The following CCDC30 variants were observed in gnomAD, a reference collection of about 807,000 sequenced individuals.
CCDC30 encodes the protein coiled-coil domain containing 30.
A neutral mutation model predicts 100.2 loss-of-function variants in CCDC30; 70 were observed. The ratio of observed to expected loss-of-function variants is 0.70; its 90% CI spans 0.58 to 0.85. The LOEUF is 0.85. Among genes scored for constraint, CCDC30 ranks in the 40% least tolerant of loss-of-function variants. CCDC30 has a pLI of 0.00. For missense variants in CCDC30, 652 were observed against 771.2 expected (o/e 0.85, Z 1.83); for synonymous variants, 233 against 269.5 (o/e 0.86, Z 1.33).
intron 11 of CCDC30, among the ~76,000 whole-genome samples, chr1:42,616,513 C>T (rs1646730004): frequency 1.3e-5 from 2 of 152,192 alleles, no homozygotes; most frequent in African/African-American, 4.8e-5. Context: ...TCCTGACTTT[C>T]ACAGGCAATG....
chr1:42,464,603 G>A (rs190733570), intron 1 of CCDC30, among the ~76,000 whole-genome samples: 2 of 152,190 alleles, frequency 1.3e-5, no homozygotes, highest in Admixed American at 6.5e-5. Context: ...AGACACAATT[G>A]TTCTAAAAAG....
chr1:42,600,222 A>G (rs1646376000), intron 10 of CCDC30, among the ~76,000 whole-genome samples: 1 of 152,162 alleles, frequency 6.6e-6, no homozygotes, highest in African/African-American at 2.4e-5. Context: ...TAATGATTAA[A>G]AAGGTCAATT....
At chr1:42,654,713 T>C (rs72661324), downstream of CCDC30, 15,350 of 134,990 alleles carry the variant, frequency 0.11, 894 homozygotes, top group East Asian at 0.2. Context: ...TACCATAAGC[T>C]TTTTTTTTTT....
At chr1:42,522,151 A>C (rs572070907) in intron 6 of CCDC30, among the ~76,000 whole-genome samples, 43 of 152,276 alleles carry the variant, frequency 2.8e-4, no homozygotes, top group African/African-American at 9.9e-4. Context: ...AATAGTTGTT[A>C]TGCTGTATCA....
chr1:42,526,083 T>C lies in CCDC30; in HGVS notation c.456+27167T>C, dbSNP rs139496040. ...TGCCATTTCATCTTTCTGAACTCCT[T>C]TCTCTGTCTCCTCAATTCCACAAGA... is the stretch of plus-strand genomic sequence containing the variant. On this transcript the variant is annotated intron_variant, in intron 6 of 16. Transcript: ENST00000668663. Among the ~76,000 whole-genome samples, 787 of 152,284 alleles carry C rather than the reference T, an allele frequency of 5.2e-3. 7 individuals are homozygous for C. Among genetic ancestry groups the C allele is most frequent in the African/African-American group, 0.018 (760 of 41,554 alleles).
At chr1:42,591,662 C>T (rs768335118) in intron 10 of CCDC30, 1 of 152,320 alleles carries the variant, frequency 6.6e-6, no homozygotes, top group Non-Finnish European at 1.5e-5. Flanking sequence ...GGTTGGAAGC[C>T]TCACACAGAG....
intron 6 of CCDC30, among the ~76,000 whole-genome samples, chr1:42,523,866 C>A (rs950281439): frequency 1.3e-5 from 2 of 152,096 alleles, no homozygotes; most frequent in Non-Finnish European, 2.9e-5. Flanking sequence ...TCAAATTTGC[C>A]TTTGAATCCC....
chr1:42,504,973 A>T (rs1382116590), intron 6 of CCDC30, among the ~76,000 whole-genome samples: 1 of 152,230 alleles, frequency 6.6e-6, no homozygotes, highest in African/African-American at 2.4e-5. Flanking sequence ...TCTTGTCAGT[A>T]GCTATTATTC....
chr1:42,482,963 C>T, intron 3 of CCDC30, 147 bp downstream of exon 3: 1 of 553,330 alleles, frequency 1.8e-6, no homozygotes, highest in African/African-American at 1.9e-5. Flanking sequence ...TCATTTTCTA[C>T]CATGCTAGGA....
At chr1:42,485,022 G>T (rs911474314) in intron 3 of CCDC30, among the ~76,000 whole-genome samples, 3 of 152,042 alleles carry the variant, frequency 2.0e-5, no homozygotes, top group African/African-American at 7.2e-5. Flanking sequence ...ATGAGTTAAA[G>T]AATTATTGTT....
rs549691509 is a variant in CCDC30, at chr1:42,647,040, C to T, written c.1854+723C>T. Among the ~76,000 whole-genome samples the T allele has an allele frequency of 2.3e-3, 350 of 152,214 alleles. 2 individuals carry two copies. The highest frequency in any genetic ancestry group is 8.2e-3 in the African/African-American group (340 of 41,522). ...ACTTGAACCTGGGAGGCAGAGGTTG[C>T]AGTGAGCCAAGACTGAGCCACTGCA... On this transcript the variant is annotated intron_variant, in intron 15 of 16. Transcript: ENST00000668663.
chr1:42,579,832 C>T (rs1645924896), intron 8 of CCDC30, among the ~76,000 whole-genome samples: 1 of 149,882 alleles, frequency 6.7e-6, no homozygotes, highest in Non-Finnish European at 1.5e-5. Flanking sequence ...CCTATCTCTA[C>T]AAAAATAAAA....
At chr1:42,581,307 A>G (rs1490506716) in intron 8 of CCDC30, 53 bp from the exon 13 acceptor site, 15 of 1,447,666 alleles carry the variant, frequency 1.0e-5, no homozygotes, top group Non-Finnish European at 1.4e-5. Flanking sequence ...CCTAATTTGA[A>G]AAAAGGTCAC....
intron 15 of CCDC30, among the ~76,000 whole-genome samples, chr1:42,652,448 T>G (rs1486835206): frequency 6.6e-6 from 1 of 152,148 alleles, no homozygotes; most frequent in Non-Finnish European, 1.5e-5. Context: ...TAGCATCACT[T>G]TGTACACCGT....
intron 8 of CCDC30, among the ~76,000 whole-genome samples, chr1:42,580,333 G>A (rs1044528041): frequency 7.2e-5 from 11 of 152,298 alleles, no homozygotes; most frequent in African/African-American, 2.4e-4. Context: ...CAGAGACCTA[G>A]GTGCAGGGGC....
At chr1:42,458,439 C>T (rs1353915316), upstream of CCDC30, among the ~76,000 whole-genome samples, 1 of 152,052 alleles carries the variant, frequency 6.6e-6, no homozygotes, top group Non-Finnish European at 1.5e-5. Flanking sequence ...GGGGCATTTG[C>T]CGACTTTGTA....
At chr1:42,614,690 G>A (rs921203362) in intron 11 of CCDC30, among the ~76,000 whole-genome samples, 3 of 151,802 alleles carry the variant, frequency 2.0e-5, no homozygotes, top group Non-Finnish European at 4.4e-5. Flanking sequence ...AGGAGGCTGA[G>A]GCAAGAGGAC....
rs556617361 is a variant in CCDC30 at position 42,472,941 on chromosome 1, T to C, written c.-91-7520T>C. 3.9e-5 allele frequency among the ~76,000 whole-genome samples: 6 copies of C among 152,310 alleles called. No homozygotes were observed. In the East Asian group the frequency reaches 1.2e-3, roughly 29 times the overall value. ...GAAATATCTTGGATTTTCCAAGATA[T>C]ATATACATACACATACATAAGTGTG... On this transcript the variant is annotated intron_variant, in intron 1 of 16. Transcript: ENST00000668663.
At chr1:42,487,361 G>A (rs1644069288) in intron 3 of CCDC30, among the ~76,000 whole-genome samples, 1 of 152,162 alleles carries the variant, frequency 6.6e-6, no homozygotes, top group East Asian at 1.9e-4. Flanking sequence ...GGGGAAATAA[G>A]TGTATTAGGT....
Sources: gnomAD v4.1 joint callset for allele counts (sites outside exome capture counted in the v4.1 genomes callset) on GRCh38, gnomAD v4.1.1 for gene constraint, MANE v1.5 for transcripts, NCBI Gene and HGNC (gene_info 2026-07-23, HGNC 2026-07-21) for gene names.